Variants in GPR180 observed in about 807,000 individuals in gnomAD.
The protein encoded by GPR180 is G protein-coupled receptor 180.
GPR180 carries 53 observed loss-of-function variants against 52.6 expected under a neutral mutation model. That is an observed-to-expected ratio of 1.01 (90% CI 0.81 to 1.27). GPR180 has a LOEUF of 1.27. Ranked by LOEUF, GPR180 falls within the 50% of genes most tolerant of loss-of-function variation. The probability of loss-of-function intolerance (pLI) is 0.00; values close to 1 mark genes in which losing one functional copy is unlikely to be tolerated. For missense variants in GPR180, 533 were observed against 527.0 expected, an observed-to-expected ratio of 1.01 and a Z score of -0.11; for synonymous variants, 200 against 193.1, an observed-to-expected ratio of 1.04 and a Z score of -0.30.
chr13:94,626,674 C>T lies in GPR180; in HGVS notation c.1165-339C>T, dbSNP rs537891573. Among the ~76,000 whole-genome samples the T allele has an allele frequency of 3.9e-5, 6 of 152,150 alleles. No homozygotes were observed. The South Asian group carries it at 6.2e-4, about 16-fold the overall frequency. On this transcript the variant is annotated intron_variant, in intron 8 of 8. Transcript: ENST00000376958. ...GTACTCTTTAAAGTTCAGGTAGGAG[C>T]GTGCTTTATTCCTGTTCCTAAATTA...
chr13:94,623,447 A>T (rs1369237648), intron 7 of GPR180, 147 bp downstream of exon 7: 1 of 600,294 alleles, frequency 1.7e-6, no homozygotes, highest in Admixed American at 3.0e-5. Flanking sequence ...GTGCTTTGGA[A>T]GGCCAAGACA....
At chr13:94,606,379 C>A (rs975797845) in intron 2 of GPR180, among the ~76,000 whole-genome samples, 4 of 152,172 alleles carry the variant, frequency 2.6e-5, no homozygotes, top group Admixed American at 2.6e-4. Context: ...CTTTTTAAAT[C>A]CTAATCTAGT....
rs538808990 is a variant in GPR180, at chr13:94,601,937, C to T, written c.10C>T (p.Leu4=). 4.7e-6 allele frequency: 7 copies of T among 1,494,188 alleles called. No individual in the cohort carries two copies. Among genetic ancestry groups the T allele is most frequent in the East Asian group, 2.8e-5 (1 of 35,414 alleles). 92.6% of individuals were successfully genotyped at this position (1,494,188 alleles called of 1,614,324 possible). The change falls in exon 1 of 9, where the codon CTG becomes TTG. Residue 4 remains leucine (L), a synonymous_variant. Transcript: ENST00000376958. The part of the protein sequence containing the change: MGG[L]RLLAVALTCC... The stretch of plus-strand genomic sequence containing the variant: ...AGACCTGGAGACGGGCATGGGGGGG[C>T]TGCGGCTGCTGGCTGTGGCCCTCAC...
chr13:94,613,415 A>G (rs1469767307), intron 3 of GPR180, among the ~76,000 whole-genome samples: 1 of 152,218 alleles, frequency 6.6e-6, no homozygotes, highest in Admixed American at 6.5e-5. Flanking sequence ...TTGTTTGGAA[A>G]AAACATATAT....
chr13:94,613,326 C>T (rs1014102903), intron 3 of GPR180, among the ~76,000 whole-genome samples: 1 of 152,120 alleles, frequency 6.6e-6, no homozygotes, highest in Non-Finnish European at 1.5e-5. Flanking sequence ...AAATTTGTCA[C>T]AGCTAAAAAA....
intron 2 of GPR180, among the ~76,000 whole-genome samples, chr13:94,608,600 T>C (rs150555154): frequency 6.6e-6 from 1 of 152,204 alleles, no homozygotes; most frequent in African/African-American, 2.4e-5. Context: ...TTTTATATAT[T>C]GTCATATTTA....
chr13:94,616,386 A>G (rs1250769874), intron 3 of GPR180, among the ~76,000 whole-genome samples: 2 of 152,192 alleles, frequency 1.3e-5, no homozygotes, highest in Non-Finnish European at 2.9e-5. Context: ...GCTCTGAGAC[A>G]AGGATCATGG....
intron 3 of GPR180, among the ~76,000 whole-genome samples, 184 bp from the exon 4 acceptor site, chr13:94,618,966 A>G (rs1296020783): frequency 1.3e-5 from 2 of 152,150 alleles, no homozygotes; most frequent in Admixed American, 1.3e-4. Context: ...TTGTAGTTAA[A>G]ATTTTGCCCC....
chr13:94,614,328 C>T (rs1021958500), intron 3 of GPR180, among the ~76,000 whole-genome samples: 1 of 152,180 alleles, frequency 6.6e-6, no homozygotes, highest in Non-Finnish European at 1.5e-5. Flanking sequence ...TCCTCTCCTG[C>T]CTTCCAGGCT....
intron 3 of GPR180, among the ~76,000 whole-genome samples, chr13:94,616,215 A>G (rs972931638): frequency 5.9e-5 from 9 of 152,232 alleles, no homozygotes; most frequent in African/African-American, 2.2e-4. Flanking sequence ...TCATAGCATC[A>G]TAAGAGAAAT....
At chr13:94,610,455 T>C (rs1889688058) in intron 2 of GPR180, among the ~76,000 whole-genome samples, 1 of 152,212 alleles carries the variant, frequency 6.6e-6, no homozygotes, top group South Asian at 2.1e-4. Context: ...ATACTTTTCA[T>C]TTGCCCCTCA....
rs1240899644 is a variant in GPR180, at chr13:94,631,349, A to G, written c.*4178A>G. The G allele has an allele frequency of 6.6e-6, 1 of 151,994 alleles. No individual in the cohort carries two copies. The highest frequency in any genetic ancestry group is 6.6e-5 in the Admixed American group (1 of 15,234). The allele number at this position is 151,994 out of a possible 1,614,324, so 9.4% of individuals were successfully genotyped here. On this transcript the variant is annotated 3_prime_UTR_variant, in exon 9 of 9. Coordinates refer to ENST00000376958, the MANE Select transcript of GPR180 (RefSeq NM_180989.6). The stretch of plus-strand genomic sequence containing the variant: ...CCAGACACAAAAGAAACCGCCTCCT[A>G]TAATCCCTATAATAAGCCCCTTATT...
intron 4 of GPR180, 49 bp downstream of exon 4, chr13:94,619,379 C>G (rs1384499409): frequency 6.3e-7 from 1 of 1,590,398 alleles, no homozygotes; most frequent in African/African-American, 1.3e-5. Context: ...CTAATTAATC[C>G]TAATTAGTCC....
chr13:94,619,025 G>A (rs1944685926), intron 3 of GPR180, 125 bp from the exon 4 acceptor site: 1 of 780,186 alleles, frequency 1.3e-6, no homozygotes, highest in Non-Finnish European at 2.0e-6. Flanking sequence ...TCTTACAAAG[G>A]TGAATGCTAT....
chr13:94,615,175 A>G (rs759337780), intron 3 of GPR180, among the ~76,000 whole-genome samples: 1 of 152,240 alleles, frequency 6.6e-6, no homozygotes, highest in Non-Finnish European at 1.5e-5. Context: ...CTAAAAGTCC[A>G]TATTTCACAT....
intron 3 of GPR180, among the ~76,000 whole-genome samples, chr13:94,618,420 A>ATTTTATTTTTTTTTTT (rs1889806045): frequency 1.1e-5 from 1 of 87,156 alleles, no homozygotes; most frequent in African/African-American, 6.3e-5. Context: ...TCAGCACAGG[A>ATTTTATTTTTTTTTTT]TTTTTTTTTT....
At chr13:94,607,784 A>G (rs1889654175) in intron 2 of GPR180, among the ~76,000 whole-genome samples, 1 of 152,168 alleles carries the variant, frequency 6.6e-6, no homozygotes, top group Non-Finnish European at 1.5e-5. Context: ...AATAAATGTA[A>G]AATTGCAATT....
intron 6 of GPR180, among the ~76,000 whole-genome samples, chr13:94,622,676 T>A (rs1889866787): frequency 6.6e-6 from 1 of 152,168 alleles, no homozygotes; most frequent in Non-Finnish European, 1.5e-5. Flanking sequence ...TGGGTTCAAG[T>A]GATTCTCCTA....
At chr13:94,613,737 ATTTAG>A (rs1313185870) in intron 3 of GPR180, among the ~76,000 whole-genome samples, 1 of 152,206 alleles carries the variant, frequency 6.6e-6, no homozygotes, top group Non-Finnish European at 1.5e-5. Flanking sequence ...TTGGAAGTTA[ATTTAG>A]TCCTTTCATT....
Sources: gnomAD v4.1 joint callset for allele counts (sites outside exome capture counted in the v4.1 genomes callset) on GRCh38, gnomAD v4.1.1 for gene constraint, MANE v1.5 for transcripts, NCBI Gene and HGNC (gene_info 2026-07-23, HGNC 2026-07-21) for gene names.